LAMA1: variants seen among roughly 807,000 people sequenced by gnomAD.
LAMA1 encodes laminin subunit alpha 1.
LAMA1 carries 219 observed loss-of-function variants against 348.7 expected under a neutral mutation model. That is an observed-to-expected ratio of 0.63 (90% CI 0.56 to 0.70). The LOEUF is 0.70. LAMA1 is among the 30% of genes least tolerant of loss of function. The pLI, the probability that LAMA1 is intolerant of heterozygous loss-of-function variation, is 0.00. For synonymous variants in LAMA1, 1,487 were observed against 1,491.0 expected (o/e 1.00, Z 0.06); for missense variants, 3,744 against 3,888.0 (o/e 0.96, Z 0.99).
At chr18:6,943,023 G>T (rs2057506299) in intron 62 of LAMA1, among the ~76,000 whole-genome samples, 157 bp downstream of exon 62, 1 of 151,808 alleles carries the variant, frequency 6.6e-6, no homozygotes, top group Non-Finnish European at 1.5e-5. Flanking sequence ...AGTTATCCAA[G>T]AATTCTTAGA....
chr18:7,109,130 G>C (rs115630758), intron 1 of LAMA1, among the ~76,000 whole-genome samples: 1,560 of 152,312 alleles, frequency 0.01, 23 homozygotes, highest in African/African-American at 0.034. Context: ...CATTTGATTG[G>C]ATGATACAAA....
At chr18:6,990,283 A>G (rs2057752893) in intron 36 of LAMA1, among the ~76,000 whole-genome samples, 1 of 152,106 alleles carries the variant, frequency 6.6e-6, no homozygotes, top group African/African-American at 2.4e-5. Context: ...AATGCTTGTA[A>G]CCAGGGTTCA....
At chr18:7,026,185 A>C in intron 16 of LAMA1, 79 bp from the exon 17 acceptor site, 4 of 1,536,760 alleles carry the variant, frequency 2.6e-6, no homozygotes, top group Non-Finnish European at 3.5e-6. Context: ...CTTGAAGTCC[A>C]AGCGGAAAAA....
intron 39 of LAMA1, among the ~76,000 whole-genome samples, chr18:6,984,524 T>C (rs1305298886): frequency 1.3e-5 from 2 of 152,120 alleles, no homozygotes; most frequent in African/African-American, 2.4e-5. Flanking sequence ...CCCAGACCCA[T>C]TAAGTCACAA....
intron 3 of LAMA1, among the ~76,000 whole-genome samples, chr18:7,067,810 C>T (rs2058129018): frequency 6.6e-6 from 1 of 151,908 alleles, no homozygotes; most frequent in African/African-American, 2.4e-5. Flanking sequence ...CCTGCTGCTT[C>T]TTCCTTCTGT....
chr18:7,091,792 T>C (rs543576539), intron 1 of LAMA1, among the ~76,000 whole-genome samples: 47 of 152,344 alleles, frequency 3.1e-4, no homozygotes, highest in African/African-American at 1.1e-3. Context: ...TGGTCCTGCA[T>C]GTGCCTAGTG....
At chr18:7,009,098 A>T in intron 27 of LAMA1, 141 bp downstream of exon 27, 2 of 888,234 alleles carry the variant, frequency 2.3e-6, no homozygotes, top group Non-Finnish European at 3.6e-6. Context: ...TAATGATATT[A>T]ATATTTAACA....
At chr18:7,067,647 C>T (rs1487919106) in intron 3 of LAMA1, among the ~76,000 whole-genome samples, 1 of 151,982 alleles carries the variant, frequency 6.6e-6, no homozygotes, top group South Asian at 2.1e-4. Flanking sequence ...ACTATACACT[C>T]GAGATTTGTG....
intron 58 of LAMA1, among the ~76,000 whole-genome samples, chr18:6,950,573 C>A (rs1276783210): frequency 1.3e-5 from 2 of 152,212 alleles, no homozygotes; most frequent in African/African-American, 4.8e-5. Context: ...ATGTCTATTT[C>A]ACGTCAGGTA....
At chr18:7,072,834 G>A (rs748024) in intron 3 of LAMA1, among the ~76,000 whole-genome samples, 11,552 of 152,108 alleles carry the variant, frequency 0.076, 1,460 homozygotes, top group African/African-American at 0.27. Context: ...GCTGCAAATC[G>A]ATGCTCCCTG....
At position 7,007,150 on chromosome 18, in the gene LAMA1, C is replaced by A; in HGVS notation, c.4249G>T (p.Gly1417Trp). 1 of 1,614,044 alleles carries A rather than the reference C, an allele frequency of 6.2e-7. No homozygotes were observed. The highest frequency in any genetic ancestry group is 8.5e-7 in the Non-Finnish European group (1 of 1,180,012). ...NHSDTCDPNTGKCLNCGDNTA... is the reference protein window; with the variant it reads ...NHSDTCDPNTWKCLNCGDNTA... ...ACAAACCAGCATACCAGACACTTCC[C>A]GGTGTTGGGGTCACAGGTGTCACTG... The change falls in exon 29 of 63, where the codon GGG (glycine) becomes TGG (tryptophan). Residue 1417 changes from glycine (G) to tryptophan (W), a missense_variant. This residue lies in a region of LAMA1 where 1,983 missense variants were observed against 1,934.3 expected (regional missense o/e 1.03). Transcript: ENST00000389658.
chr18:6,980,998 G>A (rs1202625673), intron 41 of LAMA1, among the ~76,000 whole-genome samples: 1 of 151,986 alleles, frequency 6.6e-6, no homozygotes, highest in Non-Finnish European at 1.5e-5. Context: ...AGCTACTTGG[G>A]AGGCTGAGGC....
chr18:7,111,264 A>C (rs186532074), intron 1 of LAMA1, among the ~76,000 whole-genome samples: 1 of 152,318 alleles, frequency 6.6e-6, no homozygotes, highest in African/African-American at 2.4e-5. Flanking sequence ...GTGATTTCAC[A>C]GTGGTATTTC....
intron 22 of LAMA1, 32 bp downstream of exon 22, chr18:7,015,690 A>G (rs375039458): frequency 2.5e-5 from 41 of 1,612,426 alleles, no homozygotes; most frequent in Non-Finnish European, 3.4e-5. Context: ...AGCAACTCTC[A>G]GTTAAGCAAG....
chr18:7,080,416 T>C lies in LAMA1; in HGVS notation c.103A>G (p.Ile35Val). ...TCGCCACAGGTGGCATTGGTGCTGA[T>C]GTGAGCATTGCTGGCAAGATTGAGA... Reference protein sequence around the residue: ...AILNLASNAHISTNATCGEKG... With the variant: ...AILNLASNAHVSTNATCGEKG... Residue 35 changes from isoleucine to valine, a missense_variant, in exon 2 of 63, where the codon ATC becomes GTC. Around this residue, in one of 3 missense-constraint regions of LAMA1, gnomAD observed 1,529 missense variants for 1,689.4 expected, o/e 0.91. Coordinates refer to ENST00000389658, the MANE Select transcript of LAMA1 (RefSeq NM_005559.4). The C allele has an allele frequency of 3.1e-6, 5 of 1,614,262 alleles. No homozygotes were observed. The highest frequency in any genetic ancestry group is 4.2e-6 in the Non-Finnish European group (5 of 1,180,044).
At chr18:6,969,318 C>T (rs535002145) in intron 48 of LAMA1, among the ~76,000 whole-genome samples, 5 of 152,084 alleles carry the variant, frequency 3.3e-5, no homozygotes, top group Admixed American at 2.0e-4. Context: ...GGATTACAGG[C>T]GTGACCCTCA....
In LAMA1 at chr18:7,037,662, C is replaced by T. The variant is rs374075138; in HGVS notation, c.1653G>A (p.Gln551=). 1 of 1,614,180 alleles carries T rather than the reference C, an allele frequency of 6.2e-7. No homozygotes were observed. Among genetic ancestry groups the T allele is most frequent in the East Asian group, 2.2e-5 (1 of 44,862 alleles). Reference sequence around the variant, plus strand: ...TGACCGCGGTGTTGTTGATGCTGACCTGATGGCGCCCGCCTAGTGCATCTT... The same window carrying T: ...TGACCGCGGTGTTGTTGATGCTGACTTGATGGCGCCCGCCTAGTGCATCTT... ...SQQDALGGRH[Q]VSINNTAVMQ... is the part of the protein sequence containing the mutation. The change falls in exon 12 of 63, where the codon CAG becomes CAA. Residue 551 remains glutamine (Q), a synonymous_variant. Coordinates refer to ENST00000389658, the MANE Select transcript of LAMA1 (RefSeq NM_005559.4).
Position 6,985,289 on chromosome 18 carries a change from T to C in LAMA1, c.5608A>G (p.Arg1870Gly). The C allele has an allele frequency of 6.2e-7, 1 of 1,614,080 alleles. No homozygotes were observed. Among genetic ancestry groups the C allele is most frequent in the Non-Finnish European group, 8.5e-7 (1 of 1,179,918 alleles). ...AACTCAGCGGCATGGTCCTCAGCTC[T>C]GTAGACCAGGTCGACTGCGTTCCTT... Reference protein sequence around the residue: ...SQRNAVDLVYRAEDHAAEFQR... With the variant: ...SQRNAVDLVYGAEDHAAEFQR... The change falls in exon 39 of 63, where the codon AGA becomes GGA. Residue 1870 changes from arginine (R) to glycine (G), a missense_variant. By Grantham distance (125) the Arg-to-Gly change is moderately radical. Around this residue, in one of 3 missense-constraint regions of LAMA1, gnomAD observed 1,983 missense variants for 1,934.3 expected, o/e 1.03. Coordinates refer to ENST00000389658, the MANE Select transcript of LAMA1 (RefSeq NM_005559.4).
At chr18:7,036,187 A>G in intron 12 of LAMA1, 99 bp from the exon 13 acceptor site, 1 of 795,104 alleles carries the variant, frequency 1.3e-6, no homozygotes, top group African/African-American at 1.7e-5. Flanking sequence ...GCAAACAACT[A>G]GGCTACAACT....
Sources: gnomAD v4.1 joint callset for allele counts (sites outside exome capture counted in the v4.1 genomes callset) on GRCh38, gnomAD v4.1.1 for gene constraint, gnomAD v4.1.1 regional missense constraint, MANE v1.5 for transcripts, NCBI Gene and HGNC (gene_info 2026-07-23, HGNC 2026-07-21) for gene names.